Variants in CDH13 observed in about 807,000 individuals in gnomAD.
CDH13 encodes the protein cadherin-13.
In CDH13, 24 loss-of-function variants were observed where a neutral mutation model predicts 63.8. That is an observed-to-expected ratio of 0.38 (90% confidence interval 0.27 to 0.53). The LOEUF (loss-of-function observed/expected upper bound fraction) is 0.53. Ranked by LOEUF, CDH13 falls within the 20% of genes least tolerant of loss-of-function variation. CDH13 has a pLI of 0.85. For synonymous variants in CDH13, 503 were observed against 355.3 expected (o/e 1.42, Z -4.67); for missense variants, 1,049 against 903.1 (o/e 1.16, Z -2.07).
At chr16:83,457,470 T>G (rs2073054727) in intron 6 of CDH13, among the ~76,000 whole-genome samples, 1 of 152,134 alleles carries the variant, frequency 6.6e-6, no homozygotes, top group Non-Finnish European at 1.5e-5. Flanking sequence ...CCCCCTCTGC[T>G]TTTCAATTAA....
chr16:83,063,204 C>T (rs2031725147), intron 3 of CDH13, among the ~76,000 whole-genome samples: 1 of 152,114 alleles, frequency 6.6e-6, no homozygotes, highest in Admixed American at 6.5e-5. Flanking sequence ...TCAGGTGATC[C>T]ACCCACCTCA....
intron 11 of CDH13, among the ~76,000 whole-genome samples, chr16:83,763,912 G>A (rs1384031874): frequency 6.6e-6 from 1 of 151,534 alleles, no homozygotes; most frequent in Non-Finnish European, 1.5e-5. Context: ...ATGGAGCCTA[G>A]TGCCATCTAC....
At chr16:83,474,364 G>A (rs183806991) in intron 6 of CDH13, among the ~76,000 whole-genome samples, 86 of 152,274 alleles carry the variant, frequency 5.6e-4, no homozygotes, top group African/African-American at 1.8e-3. Context: ...TAAGTAAGGT[G>A]CCAGAGTCTC....
At position 83,300,667 on chromosome 16, in the gene CDH13, A is replaced by G. The variant is rs58220369; in HGVS notation, c.637-44195A>G. Among the ~76,000 whole-genome samples the G allele has an allele frequency of 4.7e-3, 716 of 152,336 alleles. 7 individuals are homozygous for G. Among genetic ancestry groups the G allele is most frequent in the Middle Eastern group, 0.017 (5 of 294 alleles). On this transcript the variant is annotated intron_variant, in intron 5 of 13. Transcript: ENST00000567109. ...GAACCTAGTATCTTGTCAAGATGAGACGTTAATCCAATTAAATCTTACATA... is the reference window on the plus strand; with the variant it reads ...GAACCTAGTATCTTGTCAAGATGAGGCGTTAATCCAATTAAATCTTACATA...
rs148667288 is a variant in CDH13, at chr16:83,294,668, G to T, written c.637-50194G>T. On this transcript the variant is annotated intron_variant, in intron 5 of 13. Transcript: ENST00000567109. ...ATTGATGGACATTTAGGAACAAATT[G>T]AACAAGGGAAGTGAATGATCTTTAC... Among the ~76,000 whole-genome samples, 584 of 151,758 alleles carry T rather than the reference G, an allele frequency of 3.8e-3. 3 individuals are homozygous for T. Among genetic ancestry groups the T allele is most frequent in the African/African-American group, 0.01 (425 of 41,368 alleles).
Position 82,889,516 on chromosome 16 carries a change from T to C in CDH13, c.157+31043T>C, listed in dbSNP as rs547419830. Among the ~76,000 whole-genome samples the C allele has an allele frequency of 6.6e-5, 10 of 152,358 alleles. No individual in the cohort carries two copies. The East Asian group carries it at 1.9e-3, about 29-fold the overall frequency. ...GTCTGGCATGTGCAGATATGAGTGATGGTCTATAAATTTAGGATCTTATTA... is the reference window on the plus strand; with the variant it reads ...GTCTGGCATGTGCAGATATGAGTGACGGTCTATAAATTTAGGATCTTATTA... On this transcript the variant is annotated intron_variant, in intron 2 of 13. Coordinates refer to ENST00000567109, the MANE Select transcript of CDH13 (RefSeq NM_001257.5).
At chr16:83,572,523 T>G (rs1477679685) in intron 7 of CDH13, among the ~76,000 whole-genome samples, 1 of 152,186 alleles carries the variant, frequency 6.6e-6, no homozygotes, top group African/African-American at 2.4e-5. Context: ...ATGGATATAC[T>G]GTCAGTGTCA....
At chr16:83,117,797 G>T (rs2035379032) in intron 3 of CDH13, among the ~76,000 whole-genome samples, 3 of 142,200 alleles carry the variant, frequency 2.1e-5, no homozygotes, top group African/African-American at 5.2e-5. Context: ...CCCCTCCCCT[G>T]CCCCTCACTG....
chr16:82,953,119 T>G (rs1208716525), intron 2 of CDH13: 9 of 152,210 alleles, frequency 5.9e-5, no homozygotes, highest in Non-Finnish European at 1.0e-4. Context: ...ACTATGATCT[T>G]TTGATATTAT....
intron 3 of CDH13, among the ~76,000 whole-genome samples, chr16:83,114,222 A>C (rs1555593372): frequency 6.6e-6 from 1 of 152,232 alleles, no homozygotes; most frequent in South Asian, 2.1e-4. Flanking sequence ...TGCATTTTTT[A>C]TTTTAATTTT....
At chr16:82,850,192 A>G (rs2039425928) in intron 1 of CDH13, among the ~76,000 whole-genome samples, 1 of 151,862 alleles carries the variant, frequency 6.6e-6, no homozygotes, top group Non-Finnish European at 1.5e-5. Context: ...AGGATTCACC[A>G]TTCTAGATGC....
At chr16:83,246,255 T>C (rs894196340) in intron 5 of CDH13, among the ~76,000 whole-genome samples, 7 of 152,192 alleles carry the variant, frequency 4.6e-5, no homozygotes, top group Non-Finnish European at 1.5e-5. Flanking sequence ...AATTCACCTG[T>C]GGGAAATTTT....
At chr16:82,951,163 A>G (rs1289600267) in intron 2 of CDH13, among the ~76,000 whole-genome samples, 1 of 152,050 alleles carries the variant, frequency 6.6e-6, no homozygotes, top group Non-Finnish European at 1.5e-5. Context: ...GCTTGTGTAC[A>G]TGTGTGAGGA....
At chr16:83,116,559 A>T (rs1243599660) in intron 3 of CDH13, among the ~76,000 whole-genome samples, 1 of 152,220 alleles carries the variant, frequency 6.6e-6, no homozygotes, top group African/African-American at 2.4e-5. Flanking sequence ...GTGGGGACAT[A>T]TCGCATGGTT....
chr16:83,751,249 T>C (rs1030171184), intron 11 of CDH13, among the ~76,000 whole-genome samples: 1 of 152,194 alleles, frequency 6.6e-6, no homozygotes, highest in Non-Finnish European at 1.5e-5. Flanking sequence ...TGCTATGCCA[T>C]GGACTTTGGC....
At chr16:82,654,812 G>A (rs570800596) in intron 1 of CDH13, among the ~76,000 whole-genome samples, 59 of 152,052 alleles carry the variant, frequency 3.9e-4, no homozygotes, top group African/African-American at 1.4e-3. Flanking sequence ...TATTAACCAC[G>A]TGAAGCAGCT....
chr16:82,856,717 A>T (rs959770958), intron 1 of CDH13, among the ~76,000 whole-genome samples: 49 of 148,722 alleles, frequency 3.3e-4, no homozygotes, highest in African/African-American at 1.1e-3. Flanking sequence ...AAAAAAAAAA[A>T]AAAAGGAAAC....
intron 7 of CDH13, among the ~76,000 whole-genome samples, chr16:83,593,902 G>A (rs969157148): frequency 2.6e-5 from 4 of 152,118 alleles, no homozygotes; most frequent in East Asian, 3.8e-4. Context: ...TGGGGAAAAC[G>A]GTACTCATTA....
chr16:83,355,395 T>C (rs578030037), intron 6 of CDH13, among the ~76,000 whole-genome samples: 26 of 152,324 alleles, frequency 1.7e-4, no homozygotes, highest in African/African-American at 6.3e-4. Flanking sequence ...CCTTCAGTTC[T>C]CTTTCTCAGC....
Sources: allele counts gnomAD v4.1 joint callset (sites outside exome capture counted in the v4.1 genomes callset), GRCh38; gene constraint gnomAD v4.1.1; transcripts MANE v1.5; gene names NCBI Gene and HGNC (gene_info 2026-07-23, HGNC 2026-07-21).